Variants in RABEP1 observed in about 807,000 individuals in gnomAD.
RABEP1 encodes the protein rabaptin, RAB GTPase binding effector protein 1, also known as rab GTPase-binding effector protein 1.
Under a neutral mutation model 123.4 loss-of-function variants are expected in RABEP1, and 51 were observed. The observed-to-expected ratio is 0.41, with a 90% CI of 0.33 to 0.52. The LOEUF is 0.52. RABEP1 is among the 20% of genes least tolerant of loss of function. The pLI is 0.16. For synonymous variants in RABEP1, 347 were observed against 355.2 expected, an observed-to-expected ratio of 0.98 and a Z score of 0.26; for missense variants, 888 against 996.3, an observed-to-expected ratio of 0.89 and a Z score of 1.46.
chr17:5,338,221 A>G (rs1016803167), intron 5 of RABEP1, 83 bp downstream of exon 5: 126 of 1,419,886 alleles, frequency 8.9e-5, no homozygotes, highest in South Asian at 1.7e-4. Flanking sequence ...AGTAATAGGG[A>G]AAAAAACCTG....
chr17:5,368,117 G>A (rs1910232696), intron 11 of RABEP1, among the ~76,000 whole-genome samples: 2 of 152,154 alleles, frequency 1.3e-5, no homozygotes, highest in South Asian at 4.2e-4. Context: ...GTTACTGTCT[G>A]CCTAGAAACC....
At chr17:5,368,688 T>G (rs1401119457) in intron 12 of RABEP1, among the ~76,000 whole-genome samples, 1 of 152,210 alleles carries the variant, frequency 6.6e-6, no homozygotes, top group African/African-American at 2.4e-5. Flanking sequence ...TTCTCATCGT[T>G]TAACTTATTT....
intron 1 of RABEP1, among the ~76,000 whole-genome samples, chr17:5,295,945 A>C (rs866048704): frequency 6.6e-6 from 1 of 152,154 alleles, no homozygotes; most frequent in Admixed American, 6.6e-5. Flanking sequence ...TGGGTTCTCT[A>C]CTTCAGGCAC....
At chr17:5,325,339 CAA>C (rs956841376) in intron 2 of RABEP1, among the ~76,000 whole-genome samples, 1 of 143,006 alleles carries the variant, frequency 7.0e-6, no homozygotes, top group Admixed American at 7.0e-5. Context: ...AAACTCCGTC[CAA>C]AAAAAAAAGG....
intron 8 of RABEP1, among the ~76,000 whole-genome samples, chr17:5,359,665 A>T (rs1323612287): frequency 6.6e-6 from 1 of 152,176 alleles, no homozygotes; most frequent in Admixed American, 6.5e-5. Context: ...TTTTTATTAC[A>T]CCAAGAATAT....
intron 5 of RABEP1, among the ~76,000 whole-genome samples, chr17:5,344,956 C>G (rs569630566): frequency 1.3e-5 from 2 of 151,530 alleles, no homozygotes; most frequent in South Asian, 4.2e-4. Context: ...GATCGAGACT[C>G]CGTCTCAGAA....
At position 5,367,811 on chromosome 17, in the gene RABEP1, A is replaced by G. The variant is rs1597390294; in HGVS notation, c.1786-559A>G. ...GCTCTTGTTGCCCAGGCTAGAGTAC[A>G]GGGTGCGTTCTGGGCTCACTGCAAC... On this transcript the variant is annotated intron_variant, in intron 11 of 17. Coordinates refer to ENST00000537505, the MANE Select transcript of RABEP1 (RefSeq NM_004703.6). Among the ~76,000 whole-genome samples the G allele has an allele frequency of 1.3e-5, 2 of 150,164 alleles. 1 individual carries two copies. Among genetic ancestry groups the G allele is most frequent in the East Asian group, 4.1e-4 (2 of 4,902 alleles).
intron 1 of RABEP1, among the ~76,000 whole-genome samples, chr17:5,291,387 G>A (rs887747906): frequency 6.6e-6 from 1 of 152,108 alleles, no homozygotes. Flanking sequence ...ACTCCAGCCC[G>A]GGCGACAGTG....
chr17:5,286,897 G>A (rs1432185546), intron 1 of RABEP1, among the ~76,000 whole-genome samples: 2 of 152,210 alleles, frequency 1.3e-5, no homozygotes, highest in Non-Finnish European at 2.9e-5. Context: ...TAAATAGGCT[G>A]GTCAGGCAGC....
chr17:5,382,337 CTCCCA>C (rs1911544309), intron 17 of RABEP1, among the ~76,000 whole-genome samples: 1 of 151,720 alleles, frequency 6.6e-6, no homozygotes, highest in Admixed American at 6.6e-5. Context: ...CTGCCTCAGC[CTCCCA>C]AATTGCTGGG....
chr17:5,327,762 A>G (rs1308046436), intron 2 of RABEP1, among the ~76,000 whole-genome samples: 1 of 152,252 alleles, frequency 6.6e-6, no homozygotes, highest in Non-Finnish European at 1.5e-5. Context: ...AAAATAGACA[A>G]AAGTAGGCAA....
At chr17:5,310,966 C>T (rs1357797810) in intron 2 of RABEP1, among the ~76,000 whole-genome samples, 2 of 151,602 alleles carry the variant, frequency 1.3e-5, no homozygotes, top group African/African-American at 4.8e-5. Context: ...TGTGCCACCA[C>T]GCCCTGCTAA....
chr17:5,386,140 G>A lies in RABEP1; in HGVS notation c.*2917G>A. 8.2e-7 allele frequency: 1 copy of A among 1,216,768 alleles called. No homozygotes were observed. The highest frequency in any genetic ancestry group is 1.4e-5 in the South Asian group (1 of 72,392). The allele number at this position is 1,216,768 out of a possible 1,614,324, so 75.4% of individuals were successfully genotyped here. A position where few individuals can be genotyped will look rare whatever the true frequency, so the allele number is the denominator to read the frequency against. ...TTTTATAAATTAGATAATTCTACCT[G>A]TTTTACAATATGGGTTTAAGCCTTC... On this transcript the variant is annotated 3_prime_UTR_variant, in exon 18 of 18. Transcript: ENST00000537505.
At chr17:5,332,207 A>T (rs1431366515) in intron 3 of RABEP1, 55 bp downstream of exon 3, 2 of 1,480,206 alleles carry the variant, frequency 1.4e-6, no homozygotes, top group African/African-American at 2.8e-5. Context: ...GATTCTGATG[A>T]TTGAGAATAT....
chr17:5,376,920 GAA>G (rs1911038716), intron 13 of RABEP1, among the ~76,000 whole-genome samples, 194 bp from the exon 14 acceptor site: 2 of 152,196 alleles, frequency 1.3e-5, no homozygotes, highest in South Asian at 4.1e-4. Flanking sequence ...GACTTGGCCA[GAA>G]ATGTCTTTTC....
Position 5,332,599 on chromosome 17 carries a change from T to A in RABEP1, c.367+447T>A, listed in dbSNP as rs997417801. Among the ~76,000 whole-genome samples, 67 of 146,912 alleles carry A rather than the reference T, an allele frequency of 4.6e-4. 1 individual carries two copies. The highest frequency in any genetic ancestry group is 1.7e-3 in the African/African-American group (66 of 39,562). On this transcript the variant is annotated intron_variant, in intron 3 of 17. Transcript: ENST00000537505. ...TAGTTTGGCCATACGTTTTAGAATT[T>A]TTTTTTTTTTTTTTTTTTGAGATGG... is the stretch of plus-strand genomic sequence containing the variant.
intron 17 of RABEP1, among the ~76,000 whole-genome samples, chr17:5,382,106 G>GAGTC (rs747757391): frequency 9.3e-5 from 14 of 149,858 alleles, no homozygotes; most frequent in Non-Finnish European, 1.9e-4. Context: ...TTTGGAGACG[G>GAGTC]AGTCATGCTC....
intron 12 of RABEP1, among the ~76,000 whole-genome samples, chr17:5,369,862 G>A (rs1045215301): frequency 2.6e-5 from 4 of 151,974 alleles, no homozygotes; most frequent in African/African-American, 7.3e-5. Flanking sequence ...CACCACACCC[G>A]GCTAATTTTG....
At chr17:5,343,670 CTT>C (rs753410845) in intron 5 of RABEP1, among the ~76,000 whole-genome samples, 178 of 99,896 alleles carry the variant, frequency 1.8e-3, no homozygotes, top group Non-Finnish European at 2.0e-3. Context: ...TTTCTTTTCT[CTT>C]TTTTTTTTTT....
Sources: gnomAD v4.1 joint callset for allele counts (sites outside exome capture counted in the v4.1 genomes callset) on GRCh38, gnomAD v4.1.1 for gene constraint, MANE v1.5 for transcripts, NCBI Gene and HGNC (gene_info 2026-07-23, HGNC 2026-07-21) for gene names.